SPSB4: variants seen among roughly 807,000 people sequenced by gnomAD.
The protein encoded by SPSB4 is splA/ryanodine receptor domain and SOCS box containing 4.
SPSB4 carries 21 observed loss-of-function variants against 20.9 expected under a neutral mutation model. The observed-to-expected ratio is 1.01, with a 90% confidence interval of 0.71 to 1.45. The LOEUF (loss-of-function observed/expected upper bound fraction) is 1.45. Ranked by LOEUF, SPSB4 falls within the 40% of genes most tolerant of loss-of-function variation. The pLI is 0.00. For missense variants in SPSB4, 399 were observed against 399.2 expected, an observed-to-expected ratio of 1.00 and a Z score of 0.00; for synonymous variants, 207 against 183.8, an observed-to-expected ratio of 1.13 and a Z score of -1.02.
chr3:141,131,951 T>A (rs1939138258), intron 2 of SPSB4, among the ~76,000 whole-genome samples: 1 of 152,252 alleles, frequency 6.6e-6, no homozygotes, highest in Non-Finnish European at 1.5e-5. Flanking sequence ...CTCTACATCC[T>A]CATCAGCACT....
intron 2 of SPSB4, among the ~76,000 whole-genome samples, chr3:141,126,914 C>T (rs1458796543): frequency 6.6e-6 from 1 of 152,242 alleles, no homozygotes; most frequent in Non-Finnish European, 1.5e-5. Flanking sequence ...CTAGGATTCG[C>T]CTCCAATACA....
At chr3:141,114,583 G>T (rs965388374) in intron 2 of SPSB4, among the ~76,000 whole-genome samples, 1 of 152,218 alleles carries the variant, frequency 6.6e-6, no homozygotes, top group Non-Finnish European at 1.5e-5. Context: ...AACCACCGTG[G>T]CCAGCCTGGG....
Position 141,147,334 on chromosome 3 carries a change from C to G in SPSB4, c.*65C>G, listed in dbSNP as rs1939430361. On this transcript the variant is annotated 3_prime_UTR_variant, in exon 3 of 3. Coordinates refer to ENST00000310546, the MANE Select transcript of SPSB4 (RefSeq NM_080862.3). ...CAGGGCCCGACCCTCCTGTCATTCA[C>G]AGTCCCATGGCACATAGGGGAAAGG... 5.6e-6 allele frequency: 9 copies of G among 1,602,458 alleles called. No homozygotes were observed. The highest frequency in any genetic ancestry group is 7.7e-6 in the Non-Finnish European group (9 of 1,172,594).
chr3:141,080,544 A>G (rs984487583), intron 2 of SPSB4: 1 of 152,442 alleles, frequency 6.6e-6, no homozygotes, highest in African/African-American at 2.4e-5. Context: ...CGCCTTGTCC[A>G]TCATGCTGCA....
intron 2 of SPSB4, among the ~76,000 whole-genome samples, chr3:141,140,713 C>T (rs182495659): frequency 3.7e-4 from 56 of 152,276 alleles, no homozygotes; most frequent in African/African-American, 1.3e-3. Flanking sequence ...GAGGAGTACC[C>T]GGCCGTGTGA....
chr3:141,112,878 C>G (rs565925272), intron 2 of SPSB4, among the ~76,000 whole-genome samples: 17 of 151,978 alleles, frequency 1.1e-4, no homozygotes, highest in African/African-American at 4.1e-4. Flanking sequence ...AGCAAGTGGC[C>G]CAAGTAGAGG....
chr3:141,056,722 T>C (rs1221673982), intron 1 of SPSB4, among the ~76,000 whole-genome samples: 1 of 152,260 alleles, frequency 6.6e-6, no homozygotes, highest in Non-Finnish European at 1.5e-5. Flanking sequence ...CTTCATGCTT[T>C]GACCCAGCCC....
chr3:141,092,708 G>C (rs562433986), intron 2 of SPSB4, among the ~76,000 whole-genome samples: 112 of 152,344 alleles, frequency 7.4e-4, no homozygotes, highest in Admixed American at 4.1e-3. Context: ...TGCTGAGGCC[G>C]GGTGAGCAGC....
intron 1 of SPSB4, among the ~76,000 whole-genome samples, chr3:141,053,148 G>A (rs1035757200): frequency 6.6e-6 from 1 of 152,006 alleles, no homozygotes; most frequent in Non-Finnish European, 1.5e-5. Context: ...GGGGGGTTGG[G>A]GGATGAAGAT....
intron 2 of SPSB4, among the ~76,000 whole-genome samples, chr3:141,124,442 G>A (rs116497297): frequency 0.011 from 1,717 of 152,310 alleles, 16 homozygotes; most frequent in African/African-American, 0.016. Flanking sequence ...TTTAGTCACC[G>A]TAATGATGAG....
intron 2 of SPSB4, among the ~76,000 whole-genome samples, chr3:141,134,279 C>T (rs573338289): frequency 6.6e-6 from 1 of 152,080 alleles, no homozygotes; most frequent in South Asian, 2.1e-4. Context: ...GTTTGACTTC[C>T]TCTTTACAGA....
chr3:141,082,368 G>A (rs1475311159), intron 2 of SPSB4, among the ~76,000 whole-genome samples: 2 of 152,156 alleles, frequency 1.3e-5, no homozygotes, highest in Non-Finnish European at 2.9e-5. Context: ...TGGTTGGGAG[G>A]TGGCATTTCT....
chr3:141,143,038 C>T (rs12489115), intron 2 of SPSB4, among the ~76,000 whole-genome samples: 3 of 151,714 alleles, frequency 2.0e-5, no homozygotes, highest in South Asian at 2.1e-4. Flanking sequence ...GGATGGTCTC[C>T]ATCTCCTGAC....
intron 2 of SPSB4, among the ~76,000 whole-genome samples, chr3:141,078,075 G>C (rs1169656114): frequency 1.3e-5 from 2 of 152,296 alleles, no homozygotes; most frequent in Non-Finnish European, 2.9e-5. Context: ...CCCAGATCTT[G>C]GTTTAAAATC....
chr3:141,132,268 A>T, intron 2 of SPSB4: 1 of 404,246 alleles, frequency 2.5e-6, no homozygotes. Flanking sequence ...CCCGGGTTCA[A>T]GCTATTCTTC....
intron 2 of SPSB4, among the ~76,000 whole-genome samples, chr3:141,071,689 C>A (rs138905636): frequency 8.5e-5 from 13 of 152,272 alleles, no homozygotes; most frequent in African/African-American, 3.1e-4. Flanking sequence ...ATGGCCTGAC[C>A]CCACAGAACG....
chr3:141,056,353 G>C (rs193230389), intron 1 of SPSB4, among the ~76,000 whole-genome samples: 1 of 152,298 alleles, frequency 6.6e-6, no homozygotes, highest in East Asian at 1.9e-4. Flanking sequence ...AAATGTGCAA[G>C]TTGTACAGAT....
rs546829609 is a variant in SPSB4 at position 141,053,195 on chromosome 3, C to T, written c.-154+1203C>T. 2.6e-5 allele frequency among the ~76,000 whole-genome samples: 4 copies of T among 151,850 alleles called. No homozygotes were observed. The South Asian group carries it at 6.3e-4, about 24-fold the overall frequency. ...TCTCTCAGACTCTGAGCCCTCTATC[C>T]TCCCACCCCCTTTCTGGCCCCCTGC... On this transcript the variant is annotated intron_variant, in intron 1 of 2. Transcript: ENST00000310546.
rs1388309247 is a variant in SPSB4 at position 141,053,772 on chromosome 3, A to AC, written c.-154+1782dup. 5.3e-5 allele frequency among the ~76,000 whole-genome samples: 8 copies of AC among 152,214 alleles called. No individual in the cohort carries two copies. In the East Asian group the frequency reaches 1.5e-3, roughly 29 times the overall value. The stretch of plus-strand genomic sequence containing the variant: ...TGTATCAAATTAGCAAGTAGTCATA[A>AC]CCATTTATCAGAAGCATCTTTTAAA... On this transcript the variant is annotated intron_variant, in intron 1 of 2. Transcript: ENST00000310546.
Sources: gnomAD v4.1 joint callset for allele counts (sites outside exome capture counted in the v4.1 genomes callset) on GRCh38, gnomAD v4.1.1 for gene constraint, MANE v1.5 for transcripts, NCBI Gene and HGNC (gene_info 2026-07-23, HGNC 2026-07-21) for gene names.